CSMD2: variants seen among roughly 807,000 people sequenced by gnomAD.
CSMD2 encodes CUB and sushi domain-containing protein 2.
A neutral mutation model predicts 398.5 loss-of-function variants in CSMD2; 130 were observed. The ratio of observed to expected loss-of-function variants is 0.33; its 90% confidence interval spans 0.28 to 0.38. The LOEUF (loss-of-function observed/expected upper bound fraction) is 0.38. Ranked by LOEUF, CSMD2 falls within the 10% of genes least tolerant of loss-of-function variation. CSMD2 has a pLI of 1.00. For missense variants in CSMD2, 3,829 were observed against 4,764.9 expected (o/e 0.80, Z 5.78); for synonymous variants, 1,828 against 1,908.5 (o/e 0.96, Z 1.10).
intron 6 of CSMD2, among the ~76,000 whole-genome samples, chr1:33,831,773 C>T (rs12128921): frequency 0.44 from 66,847 of 151,414 alleles, 15,194 homozygotes; most frequent in East Asian, 0.62. Flanking sequence ...ACCCATCTCA[C>T]GTGCAGAGAC....
At chr1:33,680,117 G>T (rs1644856091) in intron 25 of CSMD2, among the ~76,000 whole-genome samples, 1 of 144,924 alleles carries the variant, frequency 6.9e-6, no homozygotes, top group South Asian at 2.3e-4. Flanking sequence ...GTAGAGACGG[G>T]GTTTCACCGT....
chr1:33,675,793 A>T (rs1180257599), intron 25 of CSMD2, among the ~76,000 whole-genome samples: 3 of 152,200 alleles, frequency 2.0e-5, no homozygotes, highest in Non-Finnish European at 4.4e-5. Context: ...GGGATGCAAG[A>T]CTGGTTCAAC....
At chr1:33,775,096 C>A (rs981524465) in intron 12 of CSMD2, among the ~76,000 whole-genome samples, 1 of 152,196 alleles carries the variant, frequency 6.6e-6, no homozygotes, top group Non-Finnish European at 1.5e-5. Flanking sequence ...GTACTAACCT[C>A]ATCTACAAAA....
chr1:33,807,653 A>G (rs1656377823), intron 10 of CSMD2, among the ~76,000 whole-genome samples: 1 of 152,194 alleles, frequency 6.6e-6, no homozygotes, highest in Admixed American at 6.5e-5. Flanking sequence ...TAGAGTATGA[A>G]TTGGAAGGAA....
intron 14 of CSMD2, 48 bp from the exon 15 acceptor site, chr1:33,739,382 G>A (rs575043732): frequency 6.6e-7 from 1 of 1,514,212 alleles, no homozygotes; most frequent in East Asian, 2.3e-5. Flanking sequence ...CTGGAGTAGA[G>A]AAGAATCCCT....
chr1:33,619,595 A>T (rs1168174122), intron 37 of CSMD2, among the ~76,000 whole-genome samples: 1 of 152,220 alleles, frequency 6.6e-6, no homozygotes, highest in Non-Finnish European at 1.5e-5. Flanking sequence ...CATAATCTTG[A>T]GTGTACATGT....
At chr1:33,703,261 A>G (rs1645669498) in intron 22 of CSMD2, among the ~76,000 whole-genome samples, 1 of 152,230 alleles carries the variant, frequency 6.6e-6, no homozygotes, top group African/African-American at 2.4e-5. Context: ...ACTGAGCTAC[A>G]TTAAATGTAT....
intron 12 of CSMD2, among the ~76,000 whole-genome samples, chr1:33,780,271 C>T (rs1305361585): frequency 6.6e-6 from 1 of 152,280 alleles, no homozygotes; most frequent in East Asian, 1.9e-4. Flanking sequence ...ATTAGGAACA[C>T]CCTGTGGGCA....
intron 53 of CSMD2, among the ~76,000 whole-genome samples, chr1:33,565,591 A>G (rs1287570962): frequency 6.6e-6 from 1 of 152,166 alleles, no homozygotes; most frequent in Non-Finnish European, 1.5e-5. Flanking sequence ...CACTAAAGCC[A>G]TAAAATGAAT....
At chr1:33,911,495 A>G (rs541847206) in intron 5 of CSMD2, among the ~76,000 whole-genome samples, 13 of 152,190 alleles carry the variant, frequency 8.5e-5, no homozygotes, top group Admixed American at 7.8e-4. Context: ...AAAATTTTCA[A>G]AGTGAACGTC....
chr1:33,807,100 G>A (rs750997242), intron 10 of CSMD2, among the ~76,000 whole-genome samples: 98 of 152,256 alleles, frequency 6.4e-4, no homozygotes, highest in Non-Finnish European at 1.3e-3. Flanking sequence ...AGTAAGAGCA[G>A]CCAGAAGGAT....
At chr1:33,873,527 T>C (rs1640622865) in intron 5 of CSMD2, 1 of 152,246 alleles carries the variant, frequency 6.6e-6, no homozygotes, top group African/African-American at 2.4e-5. Flanking sequence ...CTCTACTCTC[T>C]GGCTTGCTCT....
chr1:34,138,624 A>ATG lies in CSMD2; in HGVS notation c.187+26285_187+26286dup, dbSNP rs550283117. ...ATCTTCTACATAAATGGTTGACTAC[A>ATG]TGTCTGATTATTTCTTTAGGGTAAA... is the stretch of plus-strand genomic sequence containing the variant. On this transcript the variant is annotated intron_variant, in intron 1 of 70. Coordinates refer to ENST00000373381, the MANE Select transcript of CSMD2 (RefSeq NM_001281956.2). Among the ~76,000 whole-genome samples, 448 of 152,296 alleles carry ATG rather than the reference A, an allele frequency of 2.9e-3. 2 individuals carry two copies. The highest frequency in any genetic ancestry group is 4.9e-3 in the Non-Finnish European group (333 of 68,022).
intron 4 of CSMD2, among the ~76,000 whole-genome samples, chr1:33,924,334 T>C (rs1644049697): frequency 6.6e-6 from 1 of 152,196 alleles, no homozygotes; most frequent in Non-Finnish European, 1.5e-5. Flanking sequence ...CCACTGCACC[T>C]AGCTAATTTC....
chr1:34,063,260 C>A (rs1654726489), intron 2 of CSMD2, among the ~76,000 whole-genome samples: 2 of 152,138 alleles, frequency 1.3e-5, no homozygotes, highest in African/African-American at 4.8e-5. Flanking sequence ...CATGCCTTCC[C>A]AACAGTCCCC....
intron 6 of CSMD2, among the ~76,000 whole-genome samples, chr1:33,826,234 C>T (rs895415514): frequency 3.3e-4 from 50 of 152,298 alleles, no homozygotes; most frequent in African/African-American, 1.1e-3. Flanking sequence ...CCCAAATTGT[C>T]ACTACTCATT....
chr1:34,144,231 G>A lies in CSMD2; in HGVS notation c.187+20680C>T, dbSNP rs78002404. On this transcript the variant is annotated intron_variant, in intron 1 of 70. Coordinates refer to ENST00000373381, the MANE Select transcript of CSMD2 (RefSeq NM_001281956.2). ...GTCCCAGTTACCTCCAGCTGCAGGC[G>A]GTGCCAACCAGCTCAGGTCCAGATT... Among the ~76,000 whole-genome samples, 705 of 152,182 alleles carry A rather than the reference G, an allele frequency of 4.6e-3. 2 individuals carry two copies. Among genetic ancestry groups the A allele is most frequent in the African/African-American group, 0.016 (654 of 41,504 alleles).
intron 46 of CSMD2, among the ~76,000 whole-genome samples, chr1:33,584,626 C>T (rs140306775): frequency 0.051 from 7,657 of 151,052 alleles, 201 homozygotes; most frequent in Middle Eastern, 0.11. Context: ...GAGATTGCAC[C>T]ACTGCCCTCC....
chr1:33,706,442 C>T (rs1557762093), intron 22 of CSMD2, among the ~76,000 whole-genome samples: 1 of 152,120 alleles, frequency 6.6e-6, no homozygotes, highest in African/African-American at 2.4e-5. Flanking sequence ...TCTCAGATTG[C>T]TCTGTTTTCA....
Sources: allele counts gnomAD v4.1 joint callset (sites outside exome capture counted in the v4.1 genomes callset), GRCh38; gene constraint gnomAD v4.1.1; transcripts MANE v1.5; gene names NCBI Gene and HGNC (gene_info 2026-07-23, HGNC 2026-07-21).